Variants in SEMA3A observed in about 807,000 individuals in gnomAD.
SEMA3A encodes the protein semaphorin-3A.
A neutral mutation model predicts 97.9 loss-of-function variants in SEMA3A; 29 were observed. That is an observed-to-expected ratio of 0.30 (90% CI 0.22 to 0.40). The LOEUF is 0.40. SEMA3A is among the 10% of genes least tolerant of loss of function. SEMA3A has a pLI of 1.00. For missense variants in SEMA3A, 763 were observed against 951.3 expected (o/e 0.80, Z 2.60); for synonymous variants, 321 against 323.7 (o/e 0.99, Z 0.09).
intron 1 of SEMA3A, among the ~76,000 whole-genome samples, chr7:84,403,790 G>A (rs560051072): frequency 5.8e-4 from 88 of 152,268 alleles, no homozygotes; most frequent in African/African-American, 1.9e-3. Context: ...ACAGGGTCTG[G>A]AGTGGACCTC....
chr7:84,392,776 C>T (rs1803617434), intron 1 of SEMA3A, among the ~76,000 whole-genome samples: 1 of 152,112 alleles, frequency 6.6e-6, no homozygotes, highest in African/African-American at 2.4e-5. Context: ...TTTCAATTTG[C>T]ATCTTCTTAA....
At position 84,313,346 on chromosome 7, in the gene SEMA3A, A is replaced by ATGTGTG. The variant is rs372160973; in HGVS notation, c.-168-6060_-168-6055dup. Among the ~76,000 whole-genome samples the ATGTGTG allele has an allele frequency of 4.2e-3, 139 of 33,182 alleles. 2 individuals carry two copies. Among genetic ancestry groups the ATGTGTG allele is most frequent in the African/African-American group, 0.012 (130 of 11,086 alleles). 21.8% of individuals were successfully genotyped at this position (33,182 alleles called of 152,430 possible). A position where few individuals can be genotyped will look rare whatever the true frequency, so the allele number is the denominator to read the frequency against. On this transcript the variant is annotated intron_variant, in intron 2 of 3. Coordinates refer to the SEMA3A transcript ENST00000424555. Reference sequence around the variant, plus strand: ...ATATAATACATATATATATATGTATATGTGTGTGTGTATATATATATATAT... The same window carrying ATGTGTG: ...ATATAATACATATATATATATGTATATGTGTGTGTGTGTGTGTATATATATATATAT...
intron 14 of SEMA3A, among the ~76,000 whole-genome samples, chr7:83,979,986 TAAAG>T (rs545331707): frequency 6.6e-5 from 10 of 152,212 alleles, no homozygotes; most frequent in South Asian, 4.1e-4. Context: ...TAATAAACAA[TAAAG>T]AAATCAAATT....
chr7:84,449,666 C>T (rs553020976), intron 1 of SEMA3A, among the ~76,000 whole-genome samples: 49 of 152,148 alleles, frequency 3.2e-4, no homozygotes, highest in Admixed American at 1.5e-3. Context: ...CTCAAATATA[C>T]GTTGAGTATA....
chr7:84,380,033 A>G (rs1345757416), intron 1 of SEMA3A, among the ~76,000 whole-genome samples: 1 of 152,192 alleles, frequency 6.6e-6, no homozygotes, highest in Non-Finnish European at 1.5e-5. Flanking sequence ...TATTTCTATG[A>G]ACTACATGGC....
intron 1 of SEMA3A, among the ~76,000 whole-genome samples, chr7:84,151,044 G>T (rs1210999612): frequency 2.0e-5 from 3 of 150,034 alleles, no homozygotes; most frequent in Non-Finnish European, 4.5e-5. Flanking sequence ...CTGTTAGAAG[G>T]AAAACTAACA....
intron 1 of SEMA3A, among the ~76,000 whole-genome samples, chr7:84,475,214 C>A (rs1228971): frequency 6.6e-6 from 1 of 151,672 alleles, no homozygotes; most frequent in African/African-American, 2.4e-5. Context: ...CTGAAATTTC[C>A]TAACAATAAT....
At chr7:84,136,651 T>C (rs536684703) in intron 1 of SEMA3A, among the ~76,000 whole-genome samples, 2 of 152,306 alleles carry the variant, frequency 1.3e-5, no homozygotes, top group East Asian at 1.9e-4. Context: ...CTGTCAATTA[T>C]TGCAATCTTA....
At chr7:84,391,959 C>CA (rs34411145) in intron 1 of SEMA3A, among the ~76,000 whole-genome samples, 79,116 of 143,952 alleles carry the variant, frequency 0.55, 22,492 homozygotes, top group Non-Finnish European at 0.64. Flanking sequence ...GACCCTGTCT[C>CA]AAAAAAAAAA....
chr7:84,391,447 G>A (rs1263811118), intron 1 of SEMA3A, among the ~76,000 whole-genome samples: 1 of 152,082 alleles, frequency 6.6e-6, no homozygotes, highest in African/African-American at 2.4e-5. Context: ...CTCTTCCCCA[G>A]TAACCAGTTT....
At chr7:84,487,283 C>T (rs1169582085) in intron 1 of SEMA3A, among the ~76,000 whole-genome samples, 1 of 152,070 alleles carries the variant, frequency 6.6e-6, no homozygotes, top group Non-Finnish European at 1.5e-5. Flanking sequence ...GCCCCCCATG[C>T]AAAGGGAAGA....
intron 3 of SEMA3A, among the ~76,000 whole-genome samples, chr7:84,124,999 C>T (rs996542271): frequency 1.3e-5 from 2 of 151,880 alleles, no homozygotes; most frequent in Non-Finnish European, 2.9e-5. Context: ...GTATGAAATA[C>T]ATTTTAACAT....
intron 1 of SEMA3A, among the ~76,000 whole-genome samples, chr7:84,191,079 G>A (rs1181528096): frequency 6.6e-6 from 1 of 151,016 alleles, no homozygotes; most frequent in Admixed American, 6.6e-5. Flanking sequence ...TGAACTAATT[G>A]TAATTTATTG....
intron 2 of SEMA3A, among the ~76,000 whole-genome samples, chr7:84,310,267 G>C (rs1801279722): frequency 6.6e-6 from 1 of 151,912 alleles, no homozygotes; most frequent in African/African-American, 2.4e-5. Context: ...TAATAATGTA[G>C]AGAATCTGCT....
chr7:83,981,104 G>T (rs576554923), intron 14 of SEMA3A, among the ~76,000 whole-genome samples: 2 of 152,244 alleles, frequency 1.3e-5, no homozygotes, highest in African/African-American at 4.8e-5. Flanking sequence ...ACTCAGTCTA[G>T]ATTCTGTTTA....
chr7:84,294,588 A>T (rs1343155898), intron 3 of SEMA3A, among the ~76,000 whole-genome samples: 1 of 152,060 alleles, frequency 6.6e-6, no homozygotes, highest in African/African-American at 2.4e-5. Context: ...AACATATTTC[A>T]TTGAAAATTT....
At chr7:83,974,457 T>C (rs986904263) in intron 15 of SEMA3A, among the ~76,000 whole-genome samples, 5 of 152,166 alleles carry the variant, frequency 3.3e-5, no homozygotes, top group African/African-American at 1.2e-4. Context: ...GAACTGATCA[T>C]CCTGAAGTGT....
At chr7:84,357,922 C>T (rs1448107358) in intron 2 of SEMA3A, among the ~76,000 whole-genome samples, 1 of 152,106 alleles carries the variant, frequency 6.6e-6, no homozygotes, top group African/African-American at 2.4e-5. Flanking sequence ...CTGTTGGCTG[C>T]ATAAATGTCT....
At chr7:84,250,348 CTT>C (rs1316193143) in intron 3 of SEMA3A, among the ~76,000 whole-genome samples, 1 of 151,520 alleles carries the variant, frequency 6.6e-6, no homozygotes, top group East Asian at 1.9e-4. Flanking sequence ...GTTTGGGAAA[CTT>C]AACCTCAATT....
Sources: allele counts gnomAD v4.1 joint callset (sites outside exome capture counted in the v4.1 genomes callset), GRCh38; gene constraint gnomAD v4.1.1; transcripts MANE v1.5; gene names NCBI Gene and HGNC (gene_info 2026-07-23, HGNC 2026-07-21).